PRKCB: variants seen among roughly 807,000 people sequenced by gnomAD.
PRKCB encodes the protein protein kinase C beta.
A neutral mutation model predicts 81.5 loss-of-function variants in PRKCB; 13 were observed. The ratio of observed to expected loss-of-function variants is 0.16; its 90% CI spans 0.10 to 0.25. PRKCB has a LOEUF of 0.25. Among genes scored for constraint, PRKCB ranks in the 10% least tolerant of loss-of-function variants. The probability of loss-of-function intolerance (pLI) is 1.00; values close to 1 mark genes in which losing one functional copy is unlikely to be tolerated. For synonymous variants in PRKCB, 335 were observed against 321.4 expected, an observed-to-expected ratio of 1.04 and a Z score of -0.45; for missense variants, 509 against 875.7, an observed-to-expected ratio of 0.58 and a Z score of 5.29.
rs1392134777 is a variant in PRKCB at position 24,113,059 on chromosome 16, A to T, written c.908A>T (p.Gln303Leu). 2.5e-6 allele frequency: 4 copies of T among 1,610,850 alleles called. No homozygotes were observed. The highest frequency in any genetic ancestry group is 1.7e-6 in the Non-Finnish European group (2 of 1,178,596). Residue 303 changes from glutamine to leucine, a missense_variant, in exon 8 of 17, where the codon CAG (glutamine) becomes CTG (leucine). Physicochemically the swap from Gln to Leu is moderately radical, Grantham distance 113 (BLOSUM62 -2). This residue lies in a region of PRKCB where 80 missense variants were observed against 89.4 expected (regional missense o/e 0.90). Transcript: ENST00000643927. ...EGSEANEELRQKFERAKISQG... is the reference protein window; with the variant it reads ...EGSEANEELRLKFERAKISQG... ...AGTGAGGCCAATGAAGAACTGCGGC[A>T]GAAATTTGAGGTGAGGTTTCTTTTC...
intron 2 of PRKCB, among the ~76,000 whole-genome samples, chr16:23,939,355 A>G (rs1964107589): frequency 1.3e-5 from 2 of 152,226 alleles, no homozygotes; most frequent in South Asian, 2.1e-4. Flanking sequence ...AATCCCAACA[A>G]AATTACTTTG....
chr16:24,148,546 T>C (rs1407667297), intron 9 of PRKCB, among the ~76,000 whole-genome samples: 1 of 152,216 alleles, frequency 6.6e-6, no homozygotes, highest in Non-Finnish European at 1.5e-5. Context: ...GCCCAATGAA[T>C]TCCATCTCTG....
At chr16:24,108,872 C>A (rs1425554111) in intron 7 of PRKCB, among the ~76,000 whole-genome samples, 1 of 152,096 alleles carries the variant, frequency 6.6e-6, no homozygotes, top group Non-Finnish European at 1.5e-5. Context: ...GTTGGGCACA[C>A]CTCCCAGACG....
intron 12 of PRKCB, among the ~76,000 whole-genome samples, chr16:24,180,398 T>C (rs965979656): frequency 1.3e-5 from 2 of 152,226 alleles, no homozygotes. Context: ...ATAATAATTT[T>C]CTGAAAAATG....
At chr16:24,167,644 T>C (rs1195837008) in intron 10 of PRKCB, among the ~76,000 whole-genome samples, 1 of 152,148 alleles carries the variant, frequency 6.6e-6, no homozygotes, top group African/African-American at 2.4e-5. Flanking sequence ...TAAATCTCCA[T>C]GTTCCTTCTC....
chr16:24,140,930 C>T (rs1966892680), intron 9 of PRKCB, among the ~76,000 whole-genome samples: 2 of 152,150 alleles, frequency 1.3e-5, no homozygotes, highest in Admixed American at 6.5e-5. Flanking sequence ...CCAAATTTAG[C>T]TTGGCCCAAG....
chr16:24,020,974 CTTTTTCTTTCTT>C (rs1240901590), intron 3 of PRKCB, among the ~76,000 whole-genome samples: 80 of 96,520 alleles, frequency 8.3e-4, no homozygotes, highest in African/African-American at 2.7e-3. Context: ...AGAGACTTTT[CTTTTTCTTTCTT>C]TCTTTCTTTC....
At chr16:23,855,049 C>T (rs1962540846) in intron 2 of PRKCB, among the ~76,000 whole-genome samples, 1 of 152,052 alleles carries the variant, frequency 6.6e-6, no homozygotes, top group Non-Finnish European at 1.5e-5. Context: ...CCATCAAATA[C>T]TACCGTTACT....
chr16:23,947,094 G>A (rs1033846320), intron 2 of PRKCB, among the ~76,000 whole-genome samples: 5 of 152,152 alleles, frequency 3.3e-5, no homozygotes, highest in Admixed American at 1.3e-4. Context: ...GATCTCAAAC[G>A]ATCCACCTGC....
At chr16:24,190,718 C>A (rs1368544770) in intron 15 of PRKCB, among the ~76,000 whole-genome samples, 1 of 151,950 alleles carries the variant, frequency 6.6e-6, no homozygotes, top group Non-Finnish European at 1.5e-5. Context: ...AGGGTTTCAC[C>A]ATGTTGGCCA....
intron 16 of PRKCB, among the ~76,000 whole-genome samples, chr16:24,209,841 C>T (rs746863427): frequency 2.6e-5 from 4 of 152,022 alleles, no homozygotes; most frequent in Non-Finnish European, 5.9e-5. Context: ...TGGTGGCTGA[C>T]ACCTGGAATT....
At chr16:24,191,310 C>T (rs139818437) in intron 16 of PRKCB, 80 bp downstream of exon 16, 2 of 1,531,424 alleles carry the variant, frequency 1.3e-6, no homozygotes. Context: ...TCCAAATGCT[C>T]CCTGAGGGGT....
At chr16:23,871,858 G>GTT (rs61498403) in intron 2 of PRKCB, among the ~76,000 whole-genome samples, 2 of 146,876 alleles carry the variant, frequency 1.4e-5, no homozygotes, top group Non-Finnish European at 3.0e-5. Flanking sequence ...AGTTATACAG[G>GTT]TTTTTTTTTT....
intron 2 of PRKCB, among the ~76,000 whole-genome samples, chr16:23,887,269 G>A (rs1963217704): frequency 6.6e-6 from 1 of 152,186 alleles, no homozygotes; most frequent in Non-Finnish European, 1.5e-5. Context: ...ATTGCGTGAT[G>A]CTGAGGTTTA....
At chr16:24,018,106 G>A (rs535387433) in intron 3 of PRKCB, among the ~76,000 whole-genome samples, 1 of 151,968 alleles carries the variant, frequency 6.6e-6, no homozygotes, top group East Asian at 1.9e-4. Context: ...TCACCATGTT[G>A]GCCAGGATGG....
chr16:24,089,458 T>C (rs550054225), intron 5 of PRKCB, among the ~76,000 whole-genome samples: 23 of 152,200 alleles, frequency 1.5e-4, no homozygotes, highest in African/African-American at 5.5e-4. Context: ...TGGAAATGGT[T>C]AACTCTTCAT....
chr16:24,001,315 C>T (rs1965031539), intron 3 of PRKCB, among the ~76,000 whole-genome samples: 1 of 152,116 alleles, frequency 6.6e-6, no homozygotes, highest in South Asian at 2.1e-4. Context: ...CTGAGTAAAA[C>T]CCACTGTTAG....
intron 2 of PRKCB, among the ~76,000 whole-genome samples, chr16:23,948,523 C>CTAG (rs1964234043): frequency 3.3e-5 from 5 of 152,096 alleles, no homozygotes; most frequent in Non-Finnish European, 7.4e-5. Context: ...CATGCCGCAG[C>CTAG]CTCCCAGGTA....
chr16:23,998,700 A>T (rs977150556), intron 3 of PRKCB, among the ~76,000 whole-genome samples: 3 of 152,236 alleles, frequency 2.0e-5, no homozygotes, highest in Non-Finnish European at 4.4e-5. Context: ...GTGCATGGCA[A>T]GAGCTATATA....
Sources: gnomAD v4.1 joint callset for allele counts (sites outside exome capture counted in the v4.1 genomes callset) on GRCh38, gnomAD v4.1.1 for gene constraint, gnomAD v4.1.1 regional missense constraint, MANE v1.5 for transcripts, NCBI Gene and HGNC (gene_info 2026-07-23, HGNC 2026-07-21) for gene names.